CTNNA3: variants seen among roughly 807,000 people sequenced by gnomAD.
CTNNA3 encodes the protein catenin alpha 3, also known as catenin alpha-3.
CTNNA3 carries 76 observed loss-of-function variants against 95.7 expected under a neutral mutation model. That is an observed-to-expected ratio of 0.79 (90% CI 0.66 to 0.96). CTNNA3 has a LOEUF of 0.96. CTNNA3 is among the 40% of genes least tolerant of loss of function. The pLI, the probability that CTNNA3 is intolerant of heterozygous loss-of-function variation, is 0.00. For missense variants in CTNNA3, 1,191 were observed against 1,089.8 expected (o/e 1.09, Z -1.31); for synonymous variants, 431 against 374.4 (o/e 1.15, Z -1.74).
At chr10:66,741,312 T>C (rs1202674600) in intron 9 of CTNNA3, among the ~76,000 whole-genome samples, 1 of 152,102 alleles carries the variant, frequency 6.6e-6, no homozygotes, top group Non-Finnish European at 1.5e-5. Flanking sequence ...AAAACACAGA[T>C]GTATCATTGC....
chr10:66,994,188 T>A (rs950602009), intron 7 of CTNNA3, among the ~76,000 whole-genome samples: 63 of 152,118 alleles, frequency 4.1e-4, no homozygotes, highest in East Asian at 1.9e-4. Flanking sequence ...GTAAGTAATG[T>A]AAAGGAGCAA....
chr10:66,343,421 C>A (rs546876633), intron 12 of CTNNA3, among the ~76,000 whole-genome samples: 1 of 151,802 alleles, frequency 6.6e-6, no homozygotes, highest in South Asian at 2.1e-4. Context: ...CTGTCTTTCA[C>A]AGTGGATAGA....
At chr10:67,493,479 G>A (rs186438835) in intron 5 of CTNNA3, among the ~76,000 whole-genome samples, 233 of 151,588 alleles carry the variant, frequency 1.5e-3, no homozygotes, top group African/African-American at 4.9e-3. Flanking sequence ...GGGGAATGGC[G>A]TGAACCCGGG....
chr10:66,142,743 C>T (rs531743313), intron 13 of CTNNA3, among the ~76,000 whole-genome samples: 144 of 152,116 alleles, frequency 9.5e-4, no homozygotes, highest in Non-Finnish European at 1.5e-4. Context: ...GAGACCTCAC[C>T]ACAATGCATA....
chr10:67,725,854 G>A (rs997488196), intron 1 of CTNNA3, among the ~76,000 whole-genome samples: 1 of 146,278 alleles, frequency 6.8e-6, no homozygotes, highest in African/African-American at 2.5e-5. Flanking sequence ...AAATACGTAA[G>A]GTGTACCTTC....
chr10:66,123,453 G>C (rs1417153200), intron 13 of CTNNA3, among the ~76,000 whole-genome samples: 1 of 152,148 alleles, frequency 6.6e-6, no homozygotes, highest in Non-Finnish European at 1.5e-5. Context: ...GGCTGGCATT[G>C]AGTGTGGCTT....
At chr10:66,037,871 C>T (rs945769772) in intron 15 of CTNNA3, among the ~76,000 whole-genome samples, 3 of 151,930 alleles carry the variant, frequency 2.0e-5, no homozygotes, top group African/African-American at 4.8e-5. Context: ...TCTTTTATAC[C>T]AACCATTTGT....
intron 7 of CTNNA3, among the ~76,000 whole-genome samples, chr10:67,105,196 A>G (rs1324395148): frequency 6.6e-6 from 1 of 151,534 alleles, no homozygotes; most frequent in Non-Finnish European, 1.5e-5. Flanking sequence ...TTTGGAATAT[A>G]AGAGAAATGT....
intron 7 of CTNNA3, among the ~76,000 whole-genome samples, chr10:67,072,218 T>C (rs921486015): frequency 6.6e-6 from 1 of 152,216 alleles, no homozygotes; most frequent in African/African-American, 2.4e-5. Context: ...CCTCCCAAAG[T>C]GCTGGGATTA....
At chr10:66,852,182 T>A (rs12770469) in intron 7 of CTNNA3, among the ~76,000 whole-genome samples, 87,771 of 152,016 alleles carry the variant, frequency 0.58, 26,374 homozygotes, top group Non-Finnish European at 0.63. Flanking sequence ...GGTACTTGAT[T>A]ATATTTTATT....
In CTNNA3 at chr10:67,388,066, C is replaced by A. The variant is rs368049047; in HGVS notation, c.579+133776G>T. Among the ~76,000 whole-genome samples the A allele has an allele frequency of 2.6e-5, 4 of 151,152 alleles. No homozygotes were observed. The East Asian group carries it at 5.8e-4, about 22-fold the overall frequency. ...CGGAACAAAGCTGGATGGAGAATGACTTTGACGAGCTGAGAGAAGAAGGCT... is the reference window on the plus strand; with the variant it reads ...CGGAACAAAGCTGGATGGAGAATGAATTTGACGAGCTGAGAGAAGAAGGCT... On this transcript the variant is annotated intron_variant, in intron 5 of 17. Coordinates refer to ENST00000433211, the MANE Select transcript of CTNNA3 (RefSeq NM_013266.4).
At chr10:67,385,509 C>T (rs997524233) in intron 5 of CTNNA3, among the ~76,000 whole-genome samples, 2 of 152,184 alleles carry the variant, frequency 1.3e-5, no homozygotes, top group African/African-American at 4.8e-5. Flanking sequence ...TAATGGTTTT[C>T]AGCCTTCTTC....
chr10:67,042,573 G>T (rs539476258), intron 7 of CTNNA3, among the ~76,000 whole-genome samples: 1 of 151,888 alleles, frequency 6.6e-6, no homozygotes, highest in African/African-American at 2.4e-5. Context: ...GGTAAGAAAA[G>T]GGCTTGATGA....
rs75808378 is a variant in CTNNA3 at position 67,474,479 on chromosome 10, C to T, written c.579+47363G>A. Among the ~76,000 whole-genome samples, 766 of 152,222 alleles carry T rather than the reference C, an allele frequency of 5.0e-3. 23 individuals carry two copies. The East Asian group carries it at 0.075, about 15-fold the overall frequency. On this transcript the variant is annotated intron_variant, in intron 5 of 17. Coordinates refer to ENST00000433211, the MANE Select transcript of CTNNA3 (RefSeq NM_013266.4). Reference sequence around the variant, plus strand: ...TGGAAGAAACCAAACTTGTTGACTCCTTTATCTTAGACTCCTAGCCTCCAG... The same window carrying T: ...TGGAAGAAACCAAACTTGTTGACTCTTTTATCTTAGACTCCTAGCCTCCAG...
At chr10:67,253,176 T>C (rs1477328578) in intron 5 of CTNNA3, among the ~76,000 whole-genome samples, 1 of 152,196 alleles carries the variant, frequency 6.6e-6, no homozygotes, top group Non-Finnish European at 1.5e-5. Context: ...AATACTGTGA[T>C]AGTCAACCTG....
In CTNNA3 at chr10:66,393,152, G is replaced by A. The variant is rs547390481; in HGVS notation, c.1532-13800C>T. ...AAGTCAATCTGAAAGGCTACATACT[G>A]TATGATTGCAATTACATGTCATTCT... On this transcript the variant is annotated intron_variant, in intron 11 of 17. Transcript: ENST00000433211. Among the ~76,000 whole-genome samples, 3 of 152,200 alleles carry A rather than the reference G, an allele frequency of 2.0e-5. No homozygotes were observed. In the East Asian group the frequency reaches 5.8e-4, roughly 29 times the overall value.
intron 16 of CTNNA3, among the ~76,000 whole-genome samples, chr10:65,981,165 G>A (rs2078312239): frequency 1.3e-5 from 2 of 152,064 alleles, no homozygotes; most frequent in African/African-American, 4.8e-5. Context: ...AAACATTAAT[G>A]CATTCAAATC....
chr10:66,630,326 A>T (rs1334314735), intron 9 of CTNNA3, among the ~76,000 whole-genome samples: 2 of 152,168 alleles, frequency 1.3e-5, no homozygotes, highest in African/African-American at 4.8e-5. Context: ...CATTTTCAAT[A>T]TTCTACAAAG....
At chr10:67,421,936 C>T (rs925006643) in intron 5 of CTNNA3, among the ~76,000 whole-genome samples, 3 of 152,106 alleles carry the variant, frequency 2.0e-5, no homozygotes, top group African/African-American at 7.2e-5. Flanking sequence ...TATAATATCA[C>T]TAATATTGGG....
Sources: allele counts gnomAD v4.1 joint callset (sites outside exome capture counted in the v4.1 genomes callset), GRCh38; gene constraint gnomAD v4.1.1; transcripts MANE v1.5; gene names NCBI Gene and HGNC (gene_info 2026-07-23, HGNC 2026-07-21).